The following TEC variants were observed in gnomAD, a reference collection of about 807,000 sequenced individuals.
TEC encodes the protein tec protein tyrosine kinase.
TEC carries 72 observed loss-of-function variants against 93.0 expected under a neutral mutation model. The ratio of observed to expected loss-of-function variants is 0.77; its 90% CI spans 0.64 to 0.94. The LOEUF (loss-of-function observed/expected upper bound fraction) is 0.94, where lower values mean the gene tolerates loss of function less well. Among genes scored for constraint, TEC ranks in the 40% least tolerant of loss-of-function variants. The pLI, the probability that TEC is intolerant of heterozygous loss-of-function variation, is 0.00. For missense variants in TEC, 630 were observed against 757.9 expected (o/e 0.83, Z 1.98); for synonymous variants, 249 against 247.7 (o/e 1.01, Z -0.05).
At chr4:48,215,460 T>C (rs925465477) in intron 2 of TEC, among the ~76,000 whole-genome samples, 5 of 152,152 alleles carry the variant, frequency 3.3e-5, no homozygotes, top group African/African-American at 4.8e-5. Context: ...TGAGCTGGGA[T>C]TGCGCCACTG....
rs954255056 is a variant in TEC, at chr4:48,269,809, C to T, written c.-103G>A. The T allele has an allele frequency of 6.6e-6, 1 of 151,840 alleles. No homozygotes were observed. Among genetic ancestry groups the T allele is most frequent in the Admixed American group, 6.5e-5 (1 of 15,270 alleles). 9.4% of individuals were successfully genotyped at this position (151,840 alleles called of 1,614,324 possible). On this transcript the variant is annotated 5_prime_UTR_variant, in exon 1 of 18. Transcript: ENST00000381501. ...GGAGACTGCGAGGTGCAGTCTGCGCCGCGGAGTCCGGAGCCTAGCGCCCCA... is the reference window on the plus strand; with the variant it reads ...GGAGACTGCGAGGTGCAGTCTGCGCTGCGGAGTCCGGAGCCTAGCGCCCCA...
At chr4:48,243,579 A>G (rs1334883320) in intron 1 of TEC, among the ~76,000 whole-genome samples, 1 of 152,236 alleles carries the variant, frequency 6.6e-6, no homozygotes, top group Admixed American at 6.5e-5. Flanking sequence ...TAAATGCCAG[A>G]TATGTTATCA....
At chr4:48,213,673 T>C (rs1460297776) in intron 2 of TEC, among the ~76,000 whole-genome samples, 1 of 152,238 alleles carries the variant, frequency 6.6e-6, no homozygotes, top group African/African-American at 2.4e-5. Flanking sequence ...AGTATCACTT[T>C]CTTAAATTGT....
chr4:48,154,457 A>G, intron 9 of TEC, among the ~76,000 whole-genome samples: 1 of 152,204 alleles, frequency 6.6e-6, no homozygotes, highest in Non-Finnish European at 1.5e-5. Flanking sequence ...GAATTACAAT[A>G]GTAGTTAGTG....
At chr4:48,163,307 T>C (rs1720749571) in intron 8 of TEC, among the ~76,000 whole-genome samples, 1 of 152,224 alleles carries the variant, frequency 6.6e-6, no homozygotes, top group Non-Finnish European at 1.5e-5. Flanking sequence ...GGAAATATAC[T>C]AATGCTGACA....
chr4:48,212,110 A>AAAATATATATATATAT, intron 2 of TEC, among the ~76,000 whole-genome samples: 12 of 122,256 alleles, frequency 9.8e-5, no homozygotes, highest in African/African-American at 3.6e-4. Flanking sequence ...AAAAAAAAAA[A>AAAATATATATATATAT]ATATATATAT....
intron 2 of TEC, among the ~76,000 whole-genome samples, chr4:48,208,734 C>T (rs182509987): frequency 4.9e-4 from 74 of 152,296 alleles, no homozygotes; most frequent in African/African-American, 9.9e-4. Flanking sequence ...GGTATCTGTA[C>T]GTTGTCTGCA....
At chr4:48,239,082 A>G (rs1360055171) in intron 1 of TEC, among the ~76,000 whole-genome samples, 1 of 152,160 alleles carries the variant, frequency 6.6e-6, no homozygotes, top group Non-Finnish European at 1.5e-5. Flanking sequence ...CATTTATTCT[A>G]TGGAACAGGA....
At chr4:48,198,320 C>A (rs924763592) in intron 2 of TEC, among the ~76,000 whole-genome samples, 19 of 152,188 alleles carry the variant, frequency 1.2e-4, no homozygotes, top group African/African-American at 4.3e-4. Context: ...TAAACAAGTT[C>A]CCCATGTGAG....
At chr4:48,216,983 C>A (rs1342546753) in intron 2 of TEC, among the ~76,000 whole-genome samples, 1 of 152,172 alleles carries the variant, frequency 6.6e-6, no homozygotes, top group Non-Finnish European at 1.5e-5. Context: ...AAACTCCTCT[C>A]TTCATTTAGT....
chr4:48,225,440 G>T (rs1251763894), intron 2 of TEC, among the ~76,000 whole-genome samples: 1 of 152,162 alleles, frequency 6.6e-6, no homozygotes, highest in Admixed American at 6.5e-5. Context: ...GCTTCCGAAA[G>T]TGCTAGGATT....
intron 2 of TEC, among the ~76,000 whole-genome samples, chr4:48,227,053 C>A (rs1301725017): frequency 6.6e-6 from 1 of 152,130 alleles, no homozygotes; most frequent in Admixed American, 6.5e-5. Context: ...TAGACATGTA[C>A]AGATACACAC....
At chr4:48,226,040 A>C (rs1723449068) in intron 2 of TEC, among the ~76,000 whole-genome samples, 1 of 152,146 alleles carries the variant, frequency 6.6e-6, no homozygotes, top group African/African-American at 2.4e-5. Context: ...AGGCTGCTCC[A>C]AGGCAAGATG....
intron 2 of TEC, among the ~76,000 whole-genome samples, chr4:48,191,117 T>C (rs952650980): frequency 3.9e-5 from 6 of 152,210 alleles, no homozygotes; most frequent in African/African-American, 1.4e-4. Flanking sequence ...CTAGTCTCTA[T>C]TTCCTTATCT....
At chr4:48,265,515 A>ATATT (rs1387627778) in intron 1 of TEC, among the ~76,000 whole-genome samples, 1 of 129,184 alleles carries the variant, frequency 7.7e-6, no homozygotes, top group African/African-American at 2.8e-5. Context: ...ATATATATAT[A>ATATT]TTTTTTTTTT....
At chr4:48,140,376 C>T (rs1719609106) in intron 15 of TEC, among the ~76,000 whole-genome samples, 1 of 152,234 alleles carries the variant, frequency 6.6e-6, no homozygotes. Context: ...ACACTGGCTA[C>T]TTCCTACCTT....
intron 2 of TEC, among the ~76,000 whole-genome samples, chr4:48,224,252 C>T (rs1477662581): frequency 6.6e-6 from 1 of 151,642 alleles, no homozygotes; most frequent in East Asian, 1.9e-4. Flanking sequence ...ATTAAGAGAT[C>T]CAAAGTCCAA....
At chr4:48,254,716 C>T (rs556769929) in intron 1 of TEC, among the ~76,000 whole-genome samples, 6 of 152,282 alleles carry the variant, frequency 3.9e-5, no homozygotes, top group East Asian at 3.9e-4. Flanking sequence ...GTAATTTTTC[C>T]GATGTCTATG....
At chr4:48,195,560 T>C (rs1722272837) in intron 2 of TEC, among the ~76,000 whole-genome samples, 1 of 152,210 alleles carries the variant, frequency 6.6e-6, no homozygotes, top group Non-Finnish European at 1.5e-5. Flanking sequence ...GCTCCTTGCA[T>C]TCATCAATCT....
Sources: gnomAD v4.1 joint callset for allele counts (sites outside exome capture counted in the v4.1 genomes callset) on GRCh38, gnomAD v4.1.1 for gene constraint, MANE v1.5 for transcripts, NCBI Gene and HGNC (gene_info 2026-07-23, HGNC 2026-07-21) for gene names.